The following ADAM29 variants were observed in gnomAD, a reference collection of about 807,000 sequenced individuals.
ADAM29 encodes ADAM metallopeptidase domain 29, also known as disintegrin and metalloproteinase domain-containing protein 29.
For synonymous variants in ADAM29, 367 were observed against 342.3 expected (o/e 1.07, Z -0.80); for missense variants, 969 against 1,001.8 (o/e 0.97, Z 0.44).
chr4:174,968,072 GTTTC>G (rs1746252931), intron 4 of ADAM29, among the ~76,000 whole-genome samples: 1 of 151,886 alleles, frequency 6.6e-6, no homozygotes, highest in African/African-American at 2.4e-5. Flanking sequence ...TTTCCTTCGT[GTTTC>G]TTTCTAAGTA....
chr4:174,931,244 T>C (rs1313969322), intron 3 of ADAM29, 70 bp downstream of exon 3: 1 of 152,212 alleles, frequency 6.6e-6, no homozygotes, highest in East Asian at 1.9e-4. Context: ...CACTGGCATG[T>C]GCGCAGACAT....
At chr4:174,948,846 G>A (rs1745002206) in intron 4 of ADAM29, among the ~76,000 whole-genome samples, 1 of 152,162 alleles carries the variant, frequency 6.6e-6, no homozygotes, top group Non-Finnish European at 1.5e-5. Flanking sequence ...GTGGGGGTGA[G>A]TTTCCTGGCA....
Position 174,976,613 on chromosome 4 carries a change from T to G in ADAM29, c.1088T>G (p.Ile363Arg). Reference sequence around the variant, plus strand: ...ATAATGCATGAAGGCAACCCACCAATAACTAAATTTAGCAATTGTAGTTAT... The same window carrying G: ...ATAATGCATGAAGGCAACCCACCAAGAACTAAATTTAGCAATTGTAGTTAT... Reference protein sequence around the residue: ...RCIMHEGNPPITKFSNCSYGD... With the variant: ...RCIMHEGNPPRTKFSNCSYGD... Residue 363 changes from isoleucine (I) to arginine (R), a missense_variant, in exon 5 of 5, where the codon ATA becomes AGA. Ile to Arg is a moderately conservative substitution (Grantham distance 97). Coordinates refer to ENST00000359240, the MANE Select transcript of ADAM29 (RefSeq NM_014269.4). 1 of 1,609,856 alleles carries G rather than the reference T, an allele frequency of 6.2e-7. No individual in the cohort carries two copies. Among genetic ancestry groups the G allele is most frequent in the Non-Finnish European group, 8.5e-7 (1 of 1,177,948 alleles).
At chr4:174,965,457 G>A (rs185620093) in intron 4 of ADAM29, among the ~76,000 whole-genome samples, 10 of 151,738 alleles carry the variant, frequency 6.6e-5, no homozygotes, top group Non-Finnish European at 4.4e-5. Flanking sequence ...GTTTTCATGG[G>A]GAGAAACCAC....
chr4:174,947,724 T>C (rs1744934399), intron 4 of ADAM29, among the ~76,000 whole-genome samples: 1 of 152,174 alleles, frequency 6.6e-6, no homozygotes, highest in Non-Finnish European at 1.5e-5. Flanking sequence ...GTGTTGTACT[T>C]GGGTAGAGAG....
intron 4 of ADAM29, among the ~76,000 whole-genome samples, chr4:174,963,256 GAC>G (rs1560886358): frequency 6.6e-6 from 1 of 152,166 alleles, no homozygotes; most frequent in African/African-American, 2.4e-5. Flanking sequence ...AAAGTTAAGA[GAC>G]ACATCAAATA....
chr4:174,962,238 G>A (rs1579066149), intron 4 of ADAM29, among the ~76,000 whole-genome samples: 1 of 152,098 alleles, frequency 6.6e-6, no homozygotes, highest in Non-Finnish European at 1.5e-5. Flanking sequence ...GAGGCCTGGT[G>A]CAGTGGCTCA....
intron 4 of ADAM29, among the ~76,000 whole-genome samples, chr4:174,950,288 A>C (rs1258182762): frequency 6.6e-6 from 1 of 152,174 alleles, no homozygotes; most frequent in African/African-American, 2.4e-5. Flanking sequence ...ACTTAGTGGA[A>C]GTCTCCAGTA....
intron 4 of ADAM29, among the ~76,000 whole-genome samples, chr4:174,947,916 C>A (rs1363040455): frequency 6.6e-6 from 1 of 152,178 alleles, no homozygotes; most frequent in Non-Finnish European, 1.5e-5. Context: ...ATTTGGAGAA[C>A]TAGTCTTTGA....
At chr4:174,935,652 A>G (rs1042045922) in intron 3 of ADAM29, among the ~76,000 whole-genome samples, 5 of 152,108 alleles carry the variant, frequency 3.3e-5, no homozygotes, top group African/African-American at 1.2e-4. Context: ...TAATCTATTT[A>G]GAAGTTTTGA....
At chr4:174,922,833 T>C (rs1215202547) in intron 2 of ADAM29, among the ~76,000 whole-genome samples, 1 of 152,056 alleles carries the variant, frequency 6.6e-6, no homozygotes, top group African/African-American at 2.4e-5. Flanking sequence ...AATATAATCT[T>C]TGAAATATAA....
At chr4:174,939,089 AACTT>A (rs1445632783) in intron 4 of ADAM29, among the ~76,000 whole-genome samples, 1 of 152,048 alleles carries the variant, frequency 6.6e-6, no homozygotes, top group African/African-American at 2.4e-5. Flanking sequence ...CAAGGTCCTT[AACTT>A]ACTTATCTGC....
intron 4 of ADAM29, among the ~76,000 whole-genome samples, chr4:174,951,530 G>T (rs543298327): frequency 6.0e-4 from 91 of 152,262 alleles, no homozygotes; most frequent in Middle Eastern, 3.4e-3. Flanking sequence ...ACAACTTGAG[G>T]TGAGTTGTAC....
At chr4:174,934,885 A>G (rs1397125233) in intron 3 of ADAM29, among the ~76,000 whole-genome samples, 1 of 152,198 alleles carries the variant, frequency 6.6e-6, no homozygotes, top group Non-Finnish European at 1.5e-5. Flanking sequence ...GTTAAAAGAG[A>G]TATAAACAAT....
chr4:174,962,388 T>C (rs1157658354), intron 4 of ADAM29, among the ~76,000 whole-genome samples: 1 of 151,734 alleles, frequency 6.6e-6, no homozygotes, highest in Non-Finnish European at 1.5e-5. Context: ...GGGGGGCGCC[T>C]GTAGTCCCAG....
intron 4 of ADAM29, among the ~76,000 whole-genome samples, chr4:174,954,048 T>A (rs1745348445): frequency 6.6e-6 from 1 of 152,132 alleles, no homozygotes; most frequent in Non-Finnish European, 1.5e-5. Context: ...CAGCTGTCAT[T>A]TCCATTCTGC....
chr4:174,936,236 C>T (rs1170823643), intron 3 of ADAM29, among the ~76,000 whole-genome samples: 1 of 151,972 alleles, frequency 6.6e-6, no homozygotes, highest in African/African-American at 2.4e-5. Context: ...GTAATTTCGA[C>T]TTGAATTCCC....
chr4:174,931,881 T>A (rs78557674), intron 3 of ADAM29, among the ~76,000 whole-genome samples: 27,116 of 152,068 alleles, frequency 0.18, 2,964 homozygotes, highest in African/African-American at 0.3. Flanking sequence ...GAGACTGTTT[T>A]GAATGTTTTG....
chr4:174,922,598 C>T (rs1034234023), intron 2 of ADAM29, among the ~76,000 whole-genome samples: 1 of 152,232 alleles, frequency 6.6e-6, no homozygotes, highest in Admixed American at 6.5e-5. Flanking sequence ...CTTCTAGGAA[C>T]CCCACCAACT....
Sources: gnomAD v4.1 joint callset for allele counts (sites outside exome capture counted in the v4.1 genomes callset) on GRCh38, gnomAD v4.1.1 for gene constraint, MANE v1.5 for transcripts, NCBI Gene and HGNC (gene_info 2026-07-23, HGNC 2026-07-21) for gene names.